Variants in IWS1 observed in about 807,000 individuals in gnomAD.
IWS1 encodes the protein protein IWS1 homolog.
In IWS1, 27 loss-of-function variants were observed where a neutral mutation model predicts 86.7. The observed-to-expected ratio is 0.31, with a 90% CI of 0.23 to 0.43. The LOEUF is 0.43. IWS1 is among the 20% of genes least tolerant of loss of function. The probability of loss-of-function intolerance (pLI) is 1.00; values close to 1 mark genes in which losing one functional copy is unlikely to be tolerated. For missense variants in IWS1, 827 were observed against 1,000.8 expected (o/e 0.83, Z 2.34); for synonymous variants, 313 against 335.1 (o/e 0.93, Z 0.72).
chr2:127,502,781 A>ATT (rs1195752983), intron 5 of IWS1, 34 bp downstream of exon 5: 1 of 1,247,422 alleles, frequency 8.0e-7, no homozygotes, highest in Non-Finnish European at 1.2e-6. Flanking sequence ...AAAAAAGCAC[A>ATT]ATCAAGGAGG....
intron 2 of IWS1, chr2:127,515,084 T>C (rs1187861260): frequency 6.6e-6 from 1 of 152,278 alleles, no homozygotes; most frequent in Non-Finnish European, 1.5e-5. Flanking sequence ...AAATGTTCTA[T>C]TTACAGTTTA....
At chr2:127,488,251 T>C (rs1690040625) in intron 12 of IWS1, 2 of 152,248 alleles carry the variant, frequency 1.3e-5, no homozygotes. Context: ...ATCTTTTCTA[T>C]GGAGAGAACC....
intron 12 of IWS1, among the ~76,000 whole-genome samples, chr2:127,487,030 T>A (rs1412551755): frequency 6.6e-6 from 1 of 152,230 alleles, no homozygotes; most frequent in African/African-American, 2.4e-5. Context: ...ATGAGTTCAC[T>A]TGTGAGATGA....
intron 1 of IWS1, among the ~76,000 whole-genome samples, chr2:127,524,886 TTTTTGTTTTTG>T (rs1161554434): frequency 3.3e-4 from 36 of 110,006 alleles, no homozygotes; most frequent in African/African-American, 2.0e-3. Flanking sequence ...TTTGTTTTTG[TTTTTGTTTTTG>T]TTTTTTTTGA....
At chr2:127,518,190 C>T (rs1318018555) in intron 2 of IWS1, among the ~76,000 whole-genome samples, 1 of 152,184 alleles carries the variant, frequency 6.6e-6, no homozygotes, top group Non-Finnish European at 1.5e-5. Context: ...CTGAATTGCA[C>T]AAATTGTATA....
rs1691125611 is a variant in IWS1, at chr2:127,505,930, G to A, written c.151-178C>T. On this transcript the variant is annotated intron_variant, in intron 2 of 13. Coordinates refer to ENST00000295321, the MANE Select transcript of IWS1 (RefSeq NM_017969.3). This position sits in a 1 kb window ranked among gnomAD's most constrained non-coding sequence, Gnocchi z 5.0. ...CCACAGAAAGCCAATCAGTGAAATGGTTTTATTTGGATCCCCAAATGGGGA... is the reference window on the plus strand; with the variant it reads ...CCACAGAAAGCCAATCAGTGAAATGATTTTATTTGGATCCCCAAATGGGGA... 5 of 468,630 alleles carry A rather than the reference G, an allele frequency of 1.1e-5. No homozygotes were observed. The highest frequency in any genetic ancestry group is 6.6e-5 in the East Asian group (2 of 30,412). 29.0% of individuals were successfully genotyped at this position (468,630 alleles called of 1,614,324 possible).
chr2:127,518,499 G>GT (rs1052727884), intron 2 of IWS1, among the ~76,000 whole-genome samples: 13 of 151,236 alleles, frequency 8.6e-5, no homozygotes, highest in African/African-American at 3.2e-4. Context: ...GGGCGACAGT[G>GT]TAAGATTCTG....
chr2:127,497,981 A>G (rs1260614135), intron 6 of IWS1, among the ~76,000 whole-genome samples, 159 bp downstream of exon 6: 1 of 152,152 alleles, frequency 6.6e-6, no homozygotes, highest in East Asian at 1.9e-4. Context: ...AAGTAACAAC[A>G]GCAGGTAATT....
intron 13 of IWS1, among the ~76,000 whole-genome samples, chr2:127,485,571 G>T (rs902770123): frequency 6.6e-6 from 1 of 152,168 alleles, no homozygotes; most frequent in East Asian, 1.9e-4. Flanking sequence ...ACATATCACT[G>T]TAATTCTGGG....
chr2:127,497,737 A>G (rs920824855), intron 6 of IWS1, among the ~76,000 whole-genome samples: 2 of 152,236 alleles, frequency 1.3e-5, no homozygotes, highest in African/African-American at 2.4e-5. Context: ...TTTTCTGAAC[A>G]TAGATTCCAA....
At chr2:127,506,651 C>T (rs542253632) in intron 2 of IWS1, 57 of 167,490 alleles carry the variant, frequency 3.4e-4, no homozygotes, top group Non-Finnish European at 5.1e-4. Context: ...TCATTTACTC[C>T]TCATAATGGT....
rs577745510 is a variant in IWS1 at position 127,499,026 on chromosome 2, T to C, written c.1468-789A>G. Among the ~76,000 whole-genome samples, 1 of 152,300 alleles carries C rather than the reference T, an allele frequency of 6.6e-6. No homozygotes were observed. Among genetic ancestry groups the C allele is most frequent in the South Asian group, 2.1e-4 (1 of 4,828 alleles). On this transcript the variant is annotated intron_variant, in intron 5 of 13. Transcript: ENST00000295321. This position sits in a 1 kb window ranked among gnomAD's most constrained non-coding sequence, Gnocchi z 4.0. ...AGCCCCCTACAAGTGACAGGAACTG[T>C]ACAATCCCCACATTTGTACAGTCTG...
At chr2:127,517,677 T>C (rs1354255041) in intron 2 of IWS1, among the ~76,000 whole-genome samples, 1 of 152,134 alleles carries the variant, frequency 6.6e-6, no homozygotes, top group Non-Finnish European at 1.5e-5. Flanking sequence ...GTTCCTCAAA[T>C]GATCACACAG....
intron 5 of IWS1, chr2:127,498,781 T>C (rs748697769): frequency 2.0e-5 from 3 of 152,206 alleles, no homozygotes; most frequent in Non-Finnish European, 4.4e-5. Context: ...ACAGCAAAGA[T>C]ATCAAACATT....
chr2:127,488,370 T>A (rs1281079754), intron 12 of IWS1, among the ~76,000 whole-genome samples: 1 of 152,216 alleles, frequency 6.6e-6, no homozygotes, highest in Non-Finnish European at 1.5e-5. Context: ...AAAAGAGAAC[T>A]TGCCTGGTCC....
At chr2:127,527,103 T>C (rs761072922), upstream of IWS1, among the ~76,000 whole-genome samples, 22 of 152,332 alleles carry the variant, frequency 1.4e-4, no homozygotes, top group Non-Finnish European at 2.6e-4. Context: ...CCTGTGTTCC[T>C]GGAAAACAGC....
intron 2 of IWS1, among the ~76,000 whole-genome samples, chr2:127,518,594 T>C (rs1691908414): frequency 6.6e-6 from 1 of 150,710 alleles, no homozygotes; most frequent in Non-Finnish European, 1.5e-5. Context: ...AGGCAGAGTT[T>C]TGCTCTCGTT....
At chr2:127,497,156 G>C (rs964945500) in intron 6 of IWS1, among the ~76,000 whole-genome samples, 3 of 152,186 alleles carry the variant, frequency 2.0e-5, no homozygotes, top group African/African-American at 7.2e-5. Context: ...GCTATTAAAA[G>C]AACGGTTGAT....
upstream of IWS1, chr2:127,526,908 G>T: frequency 3.2e-6 from 1 of 313,572 alleles, no homozygotes; most frequent in South Asian, 2.5e-5. Context: ...GCTGTGATGC[G>T]TTACTAACTG....
Sources: allele counts gnomAD v4.1 joint callset (sites outside exome capture counted in the v4.1 genomes callset), GRCh38; gene constraint gnomAD v4.1.1; non-coding constraint Gnocchi (gnomAD v3.1); transcripts MANE v1.5; gene names NCBI Gene and HGNC (gene_info 2026-07-23, HGNC 2026-07-21).